MITF: variants seen among roughly 807,000 people sequenced by gnomAD.
MITF encodes the protein microphthalmia-associated transcription factor.
Under a neutral mutation model 60.5 loss-of-function variants are expected in MITF, and 17 were observed. The ratio of observed to expected loss-of-function variants is 0.28; its 90% confidence interval spans 0.19 to 0.42. The LOEUF (loss-of-function observed/expected upper bound fraction) is 0.42. Ranked by LOEUF, MITF falls within the 10% of genes least tolerant of loss-of-function variation. MITF has a pLI of 1.00. For missense variants in MITF, 622 were observed against 683.5 expected (o/e 0.91, Z 1.00); for synonymous variants, 260 against 248.5 (o/e 1.05, Z -0.43).
At chr3:69,938,826 T>C (rs2065904048) in intron 3 of MITF, 1 of 1,401,716 alleles carries the variant, frequency 7.1e-7, no homozygotes, top group Admixed American at 3.0e-5. Flanking sequence ...AGGCAACTTT[T>C]CTAGAGTTGG....
At chr3:69,938,239 A>C in intron 3 of MITF, 190 bp downstream of exon 3, 1 of 1,140,330 alleles carries the variant, frequency 8.8e-7, no homozygotes, top group South Asian at 1.3e-5. Context: ...TTGGGTGTAG[A>C]GCACATGACG....
intron 1 of MITF, among the ~76,000 whole-genome samples, chr3:69,812,725 G>A (rs1219802235): frequency 6.6e-6 from 1 of 152,188 alleles, no homozygotes; most frequent in Admixed American, 6.5e-5. Context: ...TAAAGTTACT[G>A]ATTTTCTTTC....
At chr3:69,934,543 A>T (rs1559730048) in intron 2 of MITF, among the ~76,000 whole-genome samples, 2 of 152,318 alleles carry the variant, frequency 1.3e-5, no homozygotes, top group East Asian at 3.9e-4. Context: ...CACACATATG[A>T]GGCAAGCTCT....
At chr3:69,846,508 G>C (rs1049034395) in intron 1 of MITF, among the ~76,000 whole-genome samples, 1 of 152,070 alleles carries the variant, frequency 6.6e-6, no homozygotes, top group Non-Finnish European at 1.5e-5. Context: ...CACAACAATG[G>C]TTTTAAAAGA....
At chr3:69,960,483 G>A (rs2066513838) in intron 9 of MITF, among the ~76,000 whole-genome samples, 1 of 152,072 alleles carries the variant, frequency 6.6e-6, no homozygotes, top group African/African-American at 2.4e-5. Context: ...TGAGTGAAAG[G>A]GCACTACTTC....
intron 2 of MITF, among the ~76,000 whole-genome samples, chr3:69,889,025 G>GTTTTTTTTTTTT (rs4057977): frequency 6.8e-5 from 4 of 58,806 alleles, no homozygotes; most frequent in Non-Finnish European, 9.7e-5. Flanking sequence ...ATAGCCTTTG[G>GTTTTTTTTTTTT]TTTTTTTTTT....
At chr3:69,963,835 C>T (rs181460666) in intron 9 of MITF, among the ~76,000 whole-genome samples, 2 of 152,260 alleles carry the variant, frequency 1.3e-5, no homozygotes, top group Non-Finnish European at 2.9e-5. Context: ...ATTGCCATTG[C>T]CCTTGAAATG....
At chr3:69,961,313 C>G (rs2066538319) in intron 9 of MITF, among the ~76,000 whole-genome samples, 1 of 151,142 alleles carries the variant, frequency 6.6e-6, no homozygotes, top group Admixed American at 6.6e-5. Context: ...ACCCGGGAGG[C>G]AGAGGTTGCA....
intron 2 of MITF, among the ~76,000 whole-genome samples, chr3:69,901,699 A>C (rs1420661762): frequency 6.6e-6 from 1 of 152,206 alleles, no homozygotes; most frequent in Non-Finnish European, 1.5e-5. Context: ...TGATGACATT[A>C]ATTAATATGG....
At chr3:69,866,255 C>A in intron 1 of MITF, 1 of 1,611,132 alleles carries the variant, frequency 6.2e-7, no homozygotes, top group South Asian at 1.1e-5. Context: ...TTTCACTCTT[C>A]GCCAAGGGCT....
At position 69,944,694 on chromosome 3, in the gene MITF, C is replaced by G. The variant is rs200349735; in HGVS notation, c.762+3363C>G. 1.2e-4 allele frequency among the ~76,000 whole-genome samples: 18 copies of G among 152,100 alleles called. No individual in the cohort carries two copies. In the East Asian group the frequency reaches 2.9e-3, roughly 25 times the overall value. On this transcript the variant is annotated intron_variant, in intron 5 of 9. Coordinates refer to ENST00000352241, the MANE Select transcript of MITF (RefSeq NM_001354604.2). Reference sequence around the variant, plus strand: ...AACCTCTCTGCTTGTGTTTCCTTGTCTGTAAAATGGGGATCATAATAGCAT... The same window carrying G: ...AACCTCTCTGCTTGTGTTTCCTTGTGTGTAAAATGGGGATCATAATAGCAT...
At chr3:69,855,859 AT>A (rs1159490477) in intron 1 of MITF, among the ~76,000 whole-genome samples, 2 of 151,954 alleles carry the variant, frequency 1.3e-5, no homozygotes, top group East Asian at 1.9e-4. Context: ...GACAGCCTTG[AT>A]TTTTTTTGTT....
intron 8 of MITF, among the ~76,000 whole-genome samples, chr3:69,958,002 T>C (rs531918640): frequency 6.6e-6 from 1 of 152,294 alleles, no homozygotes; most frequent in South Asian, 2.1e-4. Context: ...TTTTATATAA[T>C]GGAGATCTAT....
chr3:69,793,136 C>G (rs2062769531), intron 1 of MITF, among the ~76,000 whole-genome samples: 1 of 150,302 alleles, frequency 6.7e-6, no homozygotes, highest in Admixed American at 6.7e-5. Context: ...ACTTCAGCCT[C>G]CTGAGTAGCT....
chr3:69,739,552 G>C lies in MITF; in HGVS notation c.-46G>C. On this transcript the variant is annotated 5_prime_UTR_variant, in exon 1 of 10. Coordinates refer to ENST00000352241, the MANE Select transcript of MITF (RefSeq NM_001354604.2). ...CCAGCTACCTTCCCTCCGCCCCCGG[G>C]CTCTGTTCTCACTTTCCAGCAGTGG... The C allele has an allele frequency of 6.6e-7, 1 of 1,512,188 alleles. No homozygotes were observed. The highest frequency in any genetic ancestry group is 9.0e-7 in the Non-Finnish European group (1 of 1,110,764). The allele number at this position is 1,512,188 out of a possible 1,614,324, so 93.7% of individuals were successfully genotyped here.
intron 2 of MITF, among the ~76,000 whole-genome samples, chr3:69,917,578 A>G (rs1168785864): frequency 2.0e-5 from 3 of 152,012 alleles, no homozygotes; most frequent in Admixed American, 2.0e-4. Context: ...TCTTCTTCCC[A>G]CTGATGATTC....
intron 1 of MITF, among the ~76,000 whole-genome samples, chr3:69,878,230 C>T (rs915938024): frequency 3.9e-5 from 6 of 152,192 alleles, no homozygotes; most frequent in African/African-American, 1.4e-4. Context: ...CCTTCTTTTC[C>T]GGATACTAAG....
intron 2 of MITF, among the ~76,000 whole-genome samples, chr3:69,896,880 C>T (rs1318411573): frequency 6.6e-6 from 1 of 152,166 alleles, no homozygotes; most frequent in African/African-American, 2.4e-5. Context: ...CATTGCAGTT[C>T]AGCCTCAGAA....
chr3:69,791,462 T>C (rs1440599125), intron 1 of MITF, among the ~76,000 whole-genome samples: 1 of 152,214 alleles, frequency 6.6e-6, no homozygotes, highest in East Asian at 1.9e-4. Context: ...CAAATCATTA[T>C]TTTGCAAGCA....
Sources: allele counts gnomAD v4.1 joint callset (sites outside exome capture counted in the v4.1 genomes callset), GRCh38; gene constraint gnomAD v4.1.1; transcripts MANE v1.5; gene names NCBI Gene and HGNC (gene_info 2026-07-23, HGNC 2026-07-21).